TBC1D14: variants seen among roughly 807,000 people sequenced by gnomAD.
TBC1D14 encodes the protein TBC1 domain family member 14, also known as TBC1 domain family, member 14.
TBC1D14 carries 26 observed loss-of-function variants against 79.0 expected under a neutral mutation model. The observed-to-expected ratio is 0.33, with a 90% CI of 0.24 to 0.46. TBC1D14 has a LOEUF of 0.46. Among genes scored for constraint, TBC1D14 ranks in the 20% least tolerant of loss-of-function variants. The pLI is 1.00. For missense variants in TBC1D14, 769 were observed against 887.6 expected (o/e 0.87, Z 1.70); for synonymous variants, 394 against 349.9 (o/e 1.13, Z -1.40).
chr4:6,944,700 G>T (rs1277984101), intron 2 of TBC1D14, among the ~76,000 whole-genome samples: 1 of 152,174 alleles, frequency 6.6e-6, no homozygotes, highest in African/African-American at 2.4e-5. Context: ...GTCCTCCCCG[G>T]GTCCTCTGGT....
chr4:7,003,839 T>TA (rs1430717906), intron 7 of TBC1D14, among the ~76,000 whole-genome samples: 86 of 151,602 alleles, frequency 5.7e-4, no homozygotes, highest in African/African-American at 1.7e-3. Context: ...CCATCTCTAC[T>TA]AAAAAAAATA....
At chr4:6,940,303 T>A (rs1002726195) in intron 2 of TBC1D14, among the ~76,000 whole-genome samples, 3 of 152,242 alleles carry the variant, frequency 2.0e-5, no homozygotes, top group African/African-American at 7.2e-5. Context: ...AGCCCTGGTC[T>A]GTGGGACAAT....
intron 1 of TBC1D14, among the ~76,000 whole-genome samples, chr4:6,915,342 C>T (rs1250232368): frequency 6.6e-6 from 1 of 152,190 alleles, no homozygotes; most frequent in Non-Finnish European, 1.5e-5. Context: ...CAACCCCCTG[C>T]GACCGGGGTA....
intron 3 of TBC1D14, among the ~76,000 whole-genome samples, chr4:6,985,745 C>T (rs1268265717): frequency 2.0e-5 from 3 of 152,132 alleles, no homozygotes; most frequent in Non-Finnish European, 2.9e-5. Context: ...CTAAAAGTGC[C>T]CAGGAATTAA....
chr4:6,971,459 C>G (rs945510618), intron 3 of TBC1D14, among the ~76,000 whole-genome samples: 1 of 152,160 alleles, frequency 6.6e-6, no homozygotes, highest in Non-Finnish European at 1.5e-5. Flanking sequence ...ATTCTTTTGG[C>G]TTGGGCCTTA....
At chr4:7,016,228 G>A (rs1476841424) in intron 12 of TBC1D14, among the ~76,000 whole-genome samples, 1 of 152,240 alleles carries the variant, frequency 6.6e-6, no homozygotes, top group Non-Finnish European at 1.5e-5. Flanking sequence ...ACAAGGCGCT[G>A]GTGACAGGAC....
Position 6,967,437 on chromosome 4 carries a change from C to A in TBC1D14, c.843+13C>A, listed in dbSNP as rs764020649. On this transcript the variant is annotated intron_variant, in intron 3 of 13. Coordinates refer to ENST00000409757, the MANE Select transcript of TBC1D14 (RefSeq NM_020773.3). ...GAGAATACAGAAGGTACACAAGATA[C>A]AAAATCACAGAAATAGGCTGTTGGA... 1.2e-6 allele frequency: 2 copies of A among 1,609,560 alleles called. No homozygotes were observed. Among genetic ancestry groups the A allele is most frequent in the Non-Finnish European group, 1.7e-6 (2 of 1,179,054 alleles).
chr4:6,994,864 CAAAA>C (rs34072749), intron 4 of TBC1D14, among the ~76,000 whole-genome samples: 1 of 105,286 alleles, frequency 9.5e-6, no homozygotes, highest in Non-Finnish European at 2.1e-5. Context: ...AACTCCGTCT[CAAAA>C]AAAAAAAAAA....
At position 7,025,100 on chromosome 4, in the gene TBC1D14, G is replaced by A. The variant is rs1314804175; in HGVS notation, c.1854G>A (p.Thr618=). 14 of 1,614,196 alleles carry A rather than the reference G, an allele frequency of 8.7e-6. No individual in the cohort carries two copies. The highest frequency in any genetic ancestry group is 1.1e-5 in the South Asian group (1 of 91,088). ...CRDGEEFLFR[T]ALGILKLFED... is the part of the protein sequence containing the mutation. ...ATGGGGAAGAGTTCCTGTTCCGCAC[G>A]GCCCTGGGCATCCTGAAGCTGTTCG... Residue 618 remains threonine (T), a synonymous_variant, in exon 13 of 14, where the codon ACG becomes ACA. Coordinates refer to ENST00000409757, the MANE Select transcript of TBC1D14 (RefSeq NM_020773.3).
intron 2 of TBC1D14, chr4:6,954,112 C>T (rs1332941677): frequency 1.7e-6 from 1 of 594,626 alleles, no homozygotes; most frequent in Non-Finnish European, 3.0e-6. Flanking sequence ...GAGGCCCGCC[C>T]TGCCGCCCCC....
intron 1 of TBC1D14, chr4:6,910,325 C>T (rs1722872352): frequency 6.6e-6 from 1 of 152,378 alleles, no homozygotes; most frequent in South Asian, 2.1e-4. Flanking sequence ...GACCCCGGAG[C>T]CCCCTTCCAC....
intron 13 of TBC1D14, among the ~76,000 whole-genome samples, chr4:7,028,628 C>T (rs4689578): frequency 0.89 from 135,094 of 152,046 alleles, 60,266 homozygotes; most frequent in East Asian, 0.98. Context: ...GGTTTCACCA[C>T]GTTGACCAGG....
intron 12 of TBC1D14, among the ~76,000 whole-genome samples, chr4:7,024,287 C>T (rs1722115546): frequency 6.6e-6 from 1 of 152,166 alleles, no homozygotes; most frequent in African/African-American, 2.4e-5. Context: ...CTTTGTGGGC[C>T]CAGCACTTTC....
intron 12 of TBC1D14, among the ~76,000 whole-genome samples, chr4:7,021,306 T>C (rs910573685): frequency 6.6e-6 from 1 of 152,240 alleles, no homozygotes. Flanking sequence ...CATAGAAATA[T>C]ATCATTTTGG....
intron 2 of TBC1D14, among the ~76,000 whole-genome samples, chr4:6,962,438 G>T (rs1715313399): frequency 3.3e-5 from 5 of 152,176 alleles, no homozygotes; most frequent in Admixed American, 6.5e-5. Context: ...TCTCACCAGG[G>T]TTAATGAGTG....
At chr4:7,014,944 G>C (rs1721134822) in intron 12 of TBC1D14, among the ~76,000 whole-genome samples, 4 of 152,232 alleles carry the variant, frequency 2.6e-5, no homozygotes, top group Non-Finnish European at 4.4e-5. Flanking sequence ...CGTGAGATGA[G>C]TGCCGTCTTG....
At chr4:6,919,766 G>A (rs1039770284) in intron 1 of TBC1D14, among the ~76,000 whole-genome samples, 5 of 151,928 alleles carry the variant, frequency 3.3e-5, no homozygotes, top group Non-Finnish European at 5.9e-5. Flanking sequence ...GATTACAGGC[G>A]TGCGCCACCA....
At position 6,941,477 on chromosome 4, in the gene TBC1D14, G is replaced by A. The variant is rs973342233; in HGVS notation, c.722+17366G>A. Among the ~76,000 whole-genome samples the A allele has an allele frequency of 1.4e-4, 21 of 152,304 alleles. 1 individual carries two copies. The highest frequency in any genetic ancestry group is 3.8e-4 in the African/African-American group (16 of 41,572). On this transcript the variant is annotated intron_variant, in intron 2 of 13. Transcript: ENST00000409757. ...TGGGATTCCTGGCATGAGCCACTGCGCCCGGCCAAAAGCAGCTCTTTAAGT... is the reference window on the plus strand; with the variant it reads ...TGGGATTCCTGGCATGAGCCACTGCACCCGGCCAAAAGCAGCTCTTTAAGT...
At chr4:6,939,059 G>T (rs565655541) in intron 2 of TBC1D14, among the ~76,000 whole-genome samples, 6 of 152,296 alleles carry the variant, frequency 3.9e-5, no homozygotes, top group Non-Finnish European at 8.8e-5. Context: ...CGGCTCAGCC[G>T]GTGGCCTCTT....
Sources: gnomAD v4.1 joint callset for allele counts (sites outside exome capture counted in the v4.1 genomes callset) on GRCh38, gnomAD v4.1.1 for gene constraint, MANE v1.5 for transcripts, NCBI Gene and HGNC (gene_info 2026-07-23, HGNC 2026-07-21) for gene names.